TMEM51: variants seen among roughly 807,000 people sequenced by gnomAD.
The protein encoded by TMEM51 is chromosome 1 open reading frame 72.
TMEM51 carries 8 observed loss-of-function variants against 13.6 expected under a neutral mutation model. That is an observed-to-expected ratio of 0.59 (90% CI 0.35 to 1.07). TMEM51 has a LOEUF of 1.07. TMEM51 is among the 50% of genes least tolerant of loss of function. The pLI is 0.02. For synonymous variants in TMEM51, 147 were observed against 144.4 expected (o/e 1.02, Z -0.13); for missense variants, 279 against 330.7 (o/e 0.84, Z 1.21).
chr1:15,165,024 A>C (rs1642943489), intron 1 of TMEM51, among the ~76,000 whole-genome samples: 1 of 151,920 alleles, frequency 6.6e-6, no homozygotes, highest in African/African-American at 2.4e-5. Flanking sequence ...GATGGTCTCC[A>C]CCTCTTGACC....
At chr1:15,201,197 G>A (rs541645452) in intron 1 of TMEM51, among the ~76,000 whole-genome samples, 154 of 152,268 alleles carry the variant, frequency 1.0e-3, no homozygotes, top group Non-Finnish European at 1.8e-3. Flanking sequence ...CTGTGAAATG[G>A]GGCTTATTCT....
chr1:15,161,680 G>A lies in TMEM51; in HGVS notation c.-267+7726G>A, dbSNP rs921891152. On this transcript the variant is annotated intron_variant, in intron 1 of 3. Transcript: ENST00000376008. This position sits in a 1 kb window ranked among gnomAD's most constrained non-coding sequence, Gnocchi z 4.0. ...TTGGCCGGGCGCAGTGGCTCACGCC[G>A]GTAATCCCAGCACTTTGGGAAACCG... Among the ~76,000 whole-genome samples, 23 of 151,638 alleles carry A rather than the reference G, an allele frequency of 1.5e-4. No homozygotes were observed. The highest frequency in any genetic ancestry group is 5.6e-4 in the African/African-American group (23 of 41,222).
chr1:15,171,099 T>A, intron 1 of TMEM51: 12 of 806,990 alleles, frequency 1.5e-5, no homozygotes, highest in Non-Finnish European at 1.8e-5. Context: ...TCCTCCCTCC[T>A]CCTCCACCCC....
chr1:15,206,705 G>T (rs1319129093), intron 1 of TMEM51, among the ~76,000 whole-genome samples: 2 of 152,188 alleles, frequency 1.3e-5, no homozygotes, highest in African/African-American at 2.4e-5. Flanking sequence ...CATGATAGCT[G>T]CTGCGGAGAC....
At chr1:15,169,848 A>T (rs1471570550) in intron 1 of TMEM51, among the ~76,000 whole-genome samples, 1 of 152,256 alleles carries the variant, frequency 6.6e-6, no homozygotes, top group African/African-American at 2.4e-5. Context: ...AAGAATAAAA[A>T]TTTGACTATT....
At chr1:15,202,417 A>T (rs555818814) in intron 1 of TMEM51, among the ~76,000 whole-genome samples, 12 of 152,284 alleles carry the variant, frequency 7.9e-5, no homozygotes, top group African/African-American at 2.9e-4. Context: ...AACAACACAC[A>T]TTTATTGTCT....
At position 15,185,124 on chromosome 1, in the gene TMEM51, A is replaced by G. The variant is rs115684581; in HGVS notation, c.-266-25366A>G. Among the ~76,000 whole-genome samples the G allele has an allele frequency of 6.5e-3, 995 of 151,936 alleles. 11 individuals are homozygous for G. The highest frequency in any genetic ancestry group is 0.023 in the African/African-American group (937 of 41,420). ...GACTTTGTTCTGTGCGTATACGCAG[A>G]TTTCCCATAAGCCACCTCACCGGTG... is the stretch of plus-strand genomic sequence containing the variant. On this transcript the variant is annotated intron_variant, in intron 1 of 3. Coordinates refer to ENST00000376008, the MANE Select transcript of TMEM51 (RefSeq NM_001136218.2).
chr1:15,201,707 G>T (rs893282612), intron 1 of TMEM51, among the ~76,000 whole-genome samples: 2 of 152,204 alleles, frequency 1.3e-5, no homozygotes, highest in African/African-American at 4.8e-5. Flanking sequence ...GGCGAGGGGA[G>T]GGGGACAAGC....
At chr1:15,197,924 G>A (rs1644082173) in intron 1 of TMEM51, among the ~76,000 whole-genome samples, 1 of 146,910 alleles carries the variant, frequency 6.8e-6, no homozygotes, top group South Asian at 2.2e-4. Flanking sequence ...CTCAGCCTGT[G>A]TGGACAGGCG....
intron 1 of TMEM51, among the ~76,000 whole-genome samples, chr1:15,177,826 C>T (rs1391687830): frequency 2.0e-5 from 3 of 152,296 alleles, no homozygotes; most frequent in South Asian, 4.1e-4. Flanking sequence ...ACCCCATCCC[C>T]ATCCCTAAAG....
At chr1:15,214,684 A>G (rs569154744) in intron 2 of TMEM51, among the ~76,000 whole-genome samples, 50 of 152,324 alleles carry the variant, frequency 3.3e-4, no homozygotes, top group African/African-American at 1.1e-3. Flanking sequence ...TTCAGGGAGT[A>G]GCGGGCTGGG....
At position 15,215,111 on chromosome 1, in the gene TMEM51, T is replaced by C. The variant is rs3820065; in HGVS notation, c.24T>C (p.Asn8=). The change falls in exon 3 of 4, where the codon AAT becomes AAC. Residue 8 remains asparagine (N), a synonymous_variant. Coordinates refer to ENST00000376008, the MANE Select transcript of TMEM51 (RefSeq NM_001136218.2). ...ACATGATGGCCCAGTCCAAGGCCAA[T>C]GGCTCGCACTATGCGCTGACCGCCA... MMAQSKA[N]GSHYALTAIG... is the part of the protein sequence containing the mutation. The C allele has an allele frequency of 0.16, 265,705 of 1,611,376 alleles. 23,252 individuals are homozygous for C. The highest frequency in any genetic ancestry group is 0.31 in the East Asian group (13,874 of 44,798).
intron 1 of TMEM51, among the ~76,000 whole-genome samples, chr1:15,193,041 G>A (rs1643965069): frequency 6.6e-6 from 1 of 152,334 alleles, no homozygotes; most frequent in African/African-American, 2.4e-5. Flanking sequence ...GTTCCCGGGG[G>A]CATTGGGGCG....
intron 1 of TMEM51, among the ~76,000 whole-genome samples, chr1:15,188,423 C>T (rs993480987): frequency 6.6e-6 from 1 of 152,200 alleles, no homozygotes; most frequent in African/African-American, 2.4e-5. Flanking sequence ...AGGAAGAGGC[C>T]CTGCCTGGTA....
At chr1:15,197,823 A>G (rs1190782117) in intron 1 of TMEM51, among the ~76,000 whole-genome samples, 4 of 152,030 alleles carry the variant, frequency 2.6e-5, no homozygotes, top group Admixed American at 6.6e-5. Context: ...TGTGTCTGTC[A>G]CCAGGGCCCT....
chr1:15,173,689 A>C (rs899099960), intron 1 of TMEM51, among the ~76,000 whole-genome samples: 12 of 151,056 alleles, frequency 7.9e-5, no homozygotes, highest in African/African-American at 2.9e-4. Flanking sequence ...AAAAAAAAAA[A>C]CACAAACAAA....
rs1205683781 is a variant in TMEM51, at chr1:15,161,550, A to G, written c.-267+7596A>G. Among the ~76,000 whole-genome samples, 1 of 151,980 alleles carries G rather than the reference A, an allele frequency of 6.6e-6. No homozygotes were observed. Among genetic ancestry groups the G allele is most frequent in the Non-Finnish European group, 1.5e-5 (1 of 68,012 alleles). ...CTCAAAAAATTAAAATCGAATAACC[A>G]TAGGATCCAGCAGTTTCACTTCTGG... On this transcript the variant is annotated intron_variant, in intron 1 of 3. Transcript: ENST00000376008. This position sits in a 1 kb window ranked among gnomAD's most constrained non-coding sequence, Gnocchi z 4.0.
chr1:15,158,218 T>TC (rs1214035259), intron 1 of TMEM51, among the ~76,000 whole-genome samples: 2 of 152,208 alleles, frequency 1.3e-5, no homozygotes, highest in East Asian at 1.9e-4. Context: ...TAGCAGGTAT[T>TC]CCCTTGGCCA....
intron 1 of TMEM51, among the ~76,000 whole-genome samples, chr1:15,155,492 C>A (rs1339906591): frequency 6.6e-6 from 1 of 152,234 alleles, no homozygotes; most frequent in Non-Finnish European, 1.5e-5. Context: ...TAAGTTATGT[C>A]ACAGGGCTTA....
Sources: gnomAD v4.1 joint callset for allele counts (sites outside exome capture counted in the v4.1 genomes callset) on GRCh38, gnomAD v4.1.1 for gene constraint, Gnocchi (gnomAD v3.1) non-coding constraint, MANE v1.5 for transcripts, NCBI Gene and HGNC (gene_info 2026-07-23, HGNC 2026-07-21) for gene names.